Variants in DMD observed in about 807,000 individuals in gnomAD.
The protein encoded by DMD is mutant dystrophin.
A neutral mutation model predicts 330.1 loss-of-function variants in DMD; 63 were observed. The ratio of observed to expected loss-of-function variants is 0.19; its 90% CI spans 0.16 to 0.24. The LOEUF is 0.24. DMD is among the 10% of genes least tolerant of loss of function. DMD has a pLI of 1.00. For synonymous variants in DMD, 1,223 were observed against 959.8 expected (o/e 1.27, Z -5.07); for missense variants, 3,344 against 2,684.1 (o/e 1.25, Z -5.43).
intron 55 of DMD, among the ~76,000 whole-genome samples, chrX:31,591,607 G>T (rs1384927937): frequency 9.0e-6 from 1 of 111,277 alleles, no homozygotes; most frequent in African/African-American, 3.3e-5. Flanking sequence ...GTAATAATCT[G>T]AATTTTTGAT....
At position 31,664,027 on chromosome X, in the gene DMD, C is replaced by A. The variant is rs752657382; in HGVS notation, c.7873-5883G>T. 5.4e-5 allele frequency among the ~76,000 whole-genome samples: 6 copies of A among 111,843 alleles called. No individual in the cohort carries two copies. The South Asian group carries it at 2.2e-3, about 42-fold the overall frequency. ...TATCCATGCCCTTTGCTAAGTAACTCTGAAATTCTTCCTACGAAAGACAGC... is the reference window on the plus strand; with the variant it reads ...TATCCATGCCCTTTGCTAAGTAACTATGAAATTCTTCCTACGAAAGACAGC... On this transcript the variant is annotated intron_variant, in intron 53 of 78. Transcript: ENST00000357033.
chrX:31,208,566 T>C (rs1418175304), intron 65 of DMD, among the ~76,000 whole-genome samples: 1 of 111,946 alleles, frequency 8.9e-6, no homozygotes, highest in African/African-American at 3.2e-5. Flanking sequence ...ATGAATGTAA[T>C]AGTCAGGTGG....
chrX:32,920,586 C>A (rs1045768176), intron 2 of DMD, among the ~76,000 whole-genome samples: 3 of 111,840 alleles, frequency 2.7e-5, no homozygotes, highest in South Asian at 7.4e-4. Flanking sequence ...TAAATTCAGT[C>A]TACCAGAAGT....
intron 1 of DMD, among the ~76,000 whole-genome samples, chrX:33,115,858 A>T (rs1289567306): frequency 2.7e-5 from 3 of 110,895 alleles, no homozygotes; most frequent in Non-Finnish European, 5.7e-5. Context: ...ATATTTAAAA[A>T]CATATTATTT....
chrX:33,115,523 T>G (rs2095375034), intron 1 of DMD, among the ~76,000 whole-genome samples: 1 of 109,345 alleles, frequency 9.1e-6, no homozygotes, highest in African/African-American at 3.3e-5. Context: ...TTCTTTTTTT[T>G]TTTTTCGAGA....
At chrX:31,328,186 A>C (rs924288345) in intron 61 of DMD, among the ~76,000 whole-genome samples, 1 of 112,303 alleles carries the variant, frequency 8.9e-6, no homozygotes, top group Non-Finnish European at 1.9e-5. Context: ...GCCACAGTGA[A>C]CATCTTTGTA....
intron 7 of DMD, among the ~76,000 whole-genome samples, chrX:32,706,973 T>G (rs2064727812): frequency 9.1e-6 from 1 of 110,301 alleles, no homozygotes; most frequent in Non-Finnish European, 1.9e-5. Context: ...ATGCCTGTAA[T>G]CCCACCTACT....
chrX:32,605,844 A>G (rs1032893973), intron 12 of DMD, among the ~76,000 whole-genome samples: 2 of 110,556 alleles, frequency 1.8e-5, no homozygotes, highest in African/African-American at 6.5e-5. Flanking sequence ...CCACAAGGAG[A>G]TATGATCTCA....
chrX:31,266,901 C>G, intron 62 of DMD: 12 of 1,184,161 alleles, frequency 1.0e-5, no homozygotes, highest in Non-Finnish European at 1.0e-5. Context: ...CCGGGCTCCC[C>G]GAAAGTGGAG....
At chrX:32,524,679 G>T (rs982104124) in intron 17 of DMD, among the ~76,000 whole-genome samples, 2 of 112,154 alleles carry the variant, frequency 1.8e-5, no homozygotes, top group Non-Finnish European at 3.8e-5. Flanking sequence ...TTTAAGGGAG[G>T]CCTGGACACC....
intron 2 of DMD, among the ~76,000 whole-genome samples, chrX:32,872,646 T>C: frequency 8.9e-6 from 1 of 112,004 alleles, no homozygotes; most frequent in Non-Finnish European, 1.9e-5. Context: ...CAAGGTATGA[T>C]CTTAAAAAGG....
intron 55 of DMD, among the ~76,000 whole-genome samples, chrX:31,598,622 A>G (rs995669588): frequency 1.8e-5 from 2 of 112,012 alleles, no homozygotes; most frequent in African/African-American, 6.5e-5. Flanking sequence ...GTACAGTGAA[A>G]TAAAGAAAAT....
At chrX:32,642,347 A>C (rs928389300) in intron 11 of DMD, among the ~76,000 whole-genome samples, 2 of 112,511 alleles carry the variant, frequency 1.8e-5, no homozygotes, top group African/African-American at 3.2e-5. Context: ...ACCAGCTAGA[A>C]GGCTCTCCTT....
chrX:32,178,905 C>A, intron 44 of DMD, among the ~76,000 whole-genome samples: 1 of 96,259 alleles, frequency 1.0e-5, no homozygotes, highest in Non-Finnish European at 2.0e-5. Flanking sequence ...AAACTGTTTT[C>A]TACATATTCT....
At chrX:33,044,251 G>T (rs1317334335) in intron 1 of DMD, among the ~76,000 whole-genome samples, 2 of 111,665 alleles carry the variant, frequency 1.8e-5, no homozygotes, top group Non-Finnish European at 1.9e-5. Context: ...GGCCAACGTG[G>T]TGAAACCCCG....
At chrX:31,293,163 G>GTGTGTGTGTGT (rs2053836215) in intron 62 of DMD, among the ~76,000 whole-genome samples, 1 of 70,570 alleles carries the variant, frequency 1.4e-5, no homozygotes, top group Non-Finnish European at 2.4e-5. Flanking sequence ...CCCCCAACCC[G>GTGTGTGTGTGT]GTGTGTGTGT....
intron 44 of DMD, among the ~76,000 whole-genome samples, chrX:32,069,123 T>C (rs1259507842): frequency 6.3e-5 from 7 of 111,582 alleles, no homozygotes; most frequent in African/African-American, 2.3e-4. Flanking sequence ...TGGCTGTCCT[T>C]ATATTTGAAA....
chrX:32,812,461 C>T (rs978031303), intron 6 of DMD, among the ~76,000 whole-genome samples: 10 of 110,865 alleles, frequency 9.0e-5, no homozygotes, highest in African/African-American at 2.3e-4. Flanking sequence ...GGTAAAACCC[C>T]GACACTACTA....
In DMD at chrX:32,903,587, G is replaced by C. The variant is rs191404229; in HGVS notation, c.94-53767C>G. ...AGAGATTCTGATTTAATTTATCTTG[G>C]GTGGAGCCTGGTGATTTTCACATGT... On this transcript the variant is annotated intron_variant, in intron 2 of 78. Transcript: ENST00000357033. Among the ~76,000 whole-genome samples the C allele has an allele frequency of 6.3e-5, 7 of 111,328 alleles. No homozygotes were observed. In the Admixed American group the frequency reaches 6.7e-4, roughly 11 times the overall value.
Sources: allele counts gnomAD v4.1 joint callset (sites outside exome capture counted in the v4.1 genomes callset), GRCh38; gene constraint gnomAD v4.1.1; transcripts MANE v1.5; gene names NCBI Gene and HGNC (gene_info 2026-07-23, HGNC 2026-07-21).